UBE4B: variants seen among roughly 807,000 people sequenced by gnomAD.
The protein encoded by UBE4B is ubiquitin conjugation factor E4 B.
A neutral mutation model predicts 148.1 loss-of-function variants in UBE4B; 27 were observed. The ratio of observed to expected loss-of-function variants is 0.18; its 90% CI spans 0.13 to 0.25. The LOEUF is 0.25. Among genes scored for constraint, UBE4B ranks in the 10% least tolerant of loss-of-function variants. UBE4B has a pLI of 1.00. For missense variants in UBE4B, 1,170 were observed against 1,662.4 expected, an observed-to-expected ratio of 0.70 and a Z score of 5.15; for synonymous variants, 596 against 619.3, an observed-to-expected ratio of 0.96 and a Z score of 0.56.
chr1:10,115,165 T>C (rs1037116315), intron 7 of UBE4B, among the ~76,000 whole-genome samples: 8 of 112,268 alleles, frequency 7.1e-5, no homozygotes, highest in Non-Finnish European at 8.9e-5. Context: ...AATACCATAC[T>C]TTTTTTTTTT....
At chr1:10,072,466 T>C in intron 2 of UBE4B, 1 of 710,326 alleles carries the variant, frequency 1.4e-6, no homozygotes, top group Non-Finnish European at 2.6e-6. Flanking sequence ...TTAGGTATTA[T>C]CTCTGATGAC....
chr1:10,106,342 A>T lies in UBE4B; in HGVS notation c.955A>T (p.Thr319Ser). The change falls in exon 7 of 28, where the codon ACT (threonine) becomes TCT (serine). Residue 319 changes from threonine to serine, a missense_variant. Transcript: ENST00000343090. The surrounding 1 kb of genome is among the most constrained non-coding windows in gnomAD (Gnocchi z 4.2). ...PLSPHSAASGTAAGSQPSSPR... is the reference protein window; with the variant it reads ...PLSPHSAASGSAAGSQPSSPR... ...CAGTCCTCACAGTGCAGCCTCTGGA[A>T]CTGCTGCGGGAAGCCAGCCTTCATC... 1.2e-6 allele frequency: 2 copies of T among 1,613,976 alleles called. No homozygotes were observed. The highest frequency in any genetic ancestry group is 1.7e-6 in the Non-Finnish European group (2 of 1,179,890).
At chr1:10,100,861 T>C (rs1365909721) in intron 3 of UBE4B, 5 of 443,370 alleles carry the variant, frequency 1.1e-5, no homozygotes, top group African/African-American at 2.0e-5. Flanking sequence ...GCCAATGATA[T>C]ACTTTTAAAA....
intron 1 of UBE4B, among the ~76,000 whole-genome samples, chr1:10,042,243 A>G (rs910360561): frequency 6.6e-6 from 1 of 152,188 alleles, no homozygotes; most frequent in Non-Finnish European, 1.5e-5. Context: ...TCTAGTGGAA[A>G]TGTCTTCCTG....
chr1:10,171,481 C>T (rs1474005526), intron 25 of UBE4B, 152 bp downstream of exon 25: 3 of 953,206 alleles, frequency 3.1e-6, no homozygotes, highest in Non-Finnish European at 4.6e-6. Context: ...CGCGGTGGCT[C>T]AGGCCTGTAA....
rs1382452772 is a variant in UBE4B at position 10,072,131 on chromosome 1, C to T, written c.128C>T (p.Ala43Val). ...GAGAACCCTCCGGGGCCTCCCATAGCGGCATCAGCCCCAGGACCCTCTCAG... is the reference window on the plus strand; with the variant it reads ...GAGAACCCTCCGGGGCCTCCCATAGTGGCATCAGCCCCAGGACCCTCTCAG... ...QRENPPGPPI[A>V]ASAPGPSQSL... is the part of the protein sequence containing the mutation. Residue 43 changes from alanine (A) to valine (V), a missense_variant, in exon 2 of 28, where the codon GCG becomes GTG. This residue lies in a region of UBE4B where 127 missense variants were observed against 153.2 expected (regional missense o/e 0.83). Transcript: ENST00000343090. 6 of 1,613,602 alleles carry T rather than the reference C, an allele frequency of 3.7e-6. No individual in the cohort carries two copies. The African/African-American group carries it at 5.3e-5, about 14-fold the overall frequency.
Position 10,159,270 on chromosome 1 carries a change from T to C in UBE4B, c.3053+788T>C, listed in dbSNP as rs368575519. Among the ~76,000 whole-genome samples the C allele has an allele frequency of 2.0e-5, 3 of 152,190 alleles. No individual in the cohort carries two copies. The South Asian group carries it at 6.2e-4, about 31-fold the overall frequency. On this transcript the variant is annotated intron_variant, in intron 22 of 27. Transcript: ENST00000343090. ...TTCATATACCTACCTGAAATCTGAGTGACTGCTTAAACCTGGACATTAGTA... is the reference window on the plus strand; with the variant it reads ...TTCATATACCTACCTGAAATCTGAGCGACTGCTTAAACCTGGACATTAGTA...
chr1:10,130,084 T>C (rs1645568053), intron 12 of UBE4B, among the ~76,000 whole-genome samples: 1 of 151,868 alleles, frequency 6.6e-6, no homozygotes, highest in Non-Finnish European at 1.5e-5. Context: ...TTAAACATTC[T>C]TTTTTTTGAG....
intron 20 of UBE4B, among the ~76,000 whole-genome samples, chr1:10,149,958 G>T (rs555133934): frequency 6.6e-6 from 1 of 152,176 alleles, no homozygotes; most frequent in South Asian, 2.1e-4. Context: ...GGGCAATGCA[G>T]CAAGTCTGCA....
chr1:10,102,462 G>A (rs1054297958), intron 4 of UBE4B, among the ~76,000 whole-genome samples: 2 of 130,648 alleles, frequency 1.5e-5, no homozygotes, highest in African/African-American at 5.7e-5. Flanking sequence ...CCAGGCTGGA[G>A]TGCAATGGCG....
At chr1:10,174,044 C>T (rs923369577) in intron 25 of UBE4B, among the ~76,000 whole-genome samples, 18 of 152,164 alleles carry the variant, frequency 1.2e-4, no homozygotes, top group Non-Finnish European at 1.5e-5. Flanking sequence ...CCTGTTCTTC[C>T]AGAGTGGTGA....
At chr1:10,081,129 C>T (rs1440915686) in intron 2 of UBE4B, among the ~76,000 whole-genome samples, 1 of 152,214 alleles carries the variant, frequency 6.6e-6, no homozygotes, top group African/African-American at 2.4e-5. Flanking sequence ...ATGGCACGAT[C>T]TTGGCTCACC....
chr1:10,111,587 A>G (rs1487488397), intron 7 of UBE4B, among the ~76,000 whole-genome samples: 1 of 152,214 alleles, frequency 6.6e-6, no homozygotes, highest in East Asian at 1.9e-4. Flanking sequence ...CCTAGAACAC[A>G]GAACATCCAT....
In UBE4B at chr1:10,085,460, TGTG is replaced by T. The variant is rs543192201; in HGVS notation, c.212-10000_212-9998del. ...AACCCTGACCTGAGGGGAAAGCCTTTGTGAAGGGTCAGGAGATGTTCACCAGCC... is the reference window on the plus strand; with the variant it reads ...AACCCTGACCTGAGGGGAAAGCCTTTAAGGGTCAGGAGATGTTCACCAGCC... On this transcript the variant is annotated intron_variant, in intron 2 of 27. Coordinates refer to ENST00000343090, the MANE Select transcript of UBE4B (RefSeq NM_001105562.3). 4.6e-3 allele frequency among the ~76,000 whole-genome samples: 699 copies of T among 152,344 alleles called. 3 individuals carry two copies. The highest frequency in any genetic ancestry group is 0.01 in the Middle Eastern group (3 of 294).
intron 21 of UBE4B, among the ~76,000 whole-genome samples, chr1:10,152,125 G>A (rs1253762320): frequency 6.6e-6 from 1 of 151,826 alleles, no homozygotes; most frequent in African/African-American, 2.4e-5. Flanking sequence ...AATTAGCCGG[G>A]CATGGTTGCA....
chr1:10,096,433 A>T (rs1297239703), intron 3 of UBE4B, among the ~76,000 whole-genome samples: 2 of 152,064 alleles, frequency 1.3e-5, no homozygotes, highest in Non-Finnish European at 2.9e-5. Flanking sequence ...GGCTAAACAG[A>T]TGAAGAGGGG....
chr1:10,080,416 C>CAAAA (rs565960920), intron 2 of UBE4B, among the ~76,000 whole-genome samples: 2 of 101,290 alleles, frequency 2.0e-5, no homozygotes, highest in African/African-American at 3.6e-5. Flanking sequence ...GAATCCATCT[C>CAAAA]AAAAAAAAAA....
rs531957187 is a variant in UBE4B, at chr1:10,099,237, G to A, written c.348-1871G>A. Among the ~76,000 whole-genome samples, 1,174 of 151,690 alleles carry A rather than the reference G, an allele frequency of 7.7e-3. 24 individuals carry two copies. Among genetic ancestry groups the A allele is most frequent in the African/African-American group, 0.028 (1,136 of 41,130 alleles). ...AGCCTGGGTGACAGAGCAAGACTCT[G>A]TCTAAAAAAGAAAAAATTATTTACA... On this transcript the variant is annotated intron_variant, in intron 3 of 27. Coordinates refer to ENST00000343090, the MANE Select transcript of UBE4B (RefSeq NM_001105562.3).
intron 22 of UBE4B, among the ~76,000 whole-genome samples, chr1:10,160,682 C>A (rs757502392): frequency 2.0e-5 from 3 of 152,146 alleles, no homozygotes; most frequent in Admixed American, 2.0e-4. Context: ...TGTGGTGGCT[C>A]ATCTCTGTAA....
Sources: gnomAD v4.1 joint callset for allele counts (sites outside exome capture counted in the v4.1 genomes callset) on GRCh38, gnomAD v4.1.1 for gene constraint, gnomAD v4.1.1 regional missense constraint, Gnocchi (gnomAD v3.1) non-coding constraint, MANE v1.5 for transcripts, NCBI Gene and HGNC (gene_info 2026-07-23, HGNC 2026-07-21) for gene names.